FER1L6: variants seen among roughly 807,000 people sequenced by gnomAD.
FER1L6 encodes fer-1 like family member 6.
Under a neutral mutation model 219.2 loss-of-function variants are expected in FER1L6, and 177 were observed. The ratio of observed to expected loss-of-function variants is 0.81; its 90% CI spans 0.71 to 0.91. The LOEUF (loss-of-function observed/expected upper bound fraction) is 0.91, where lower values mean the gene tolerates loss of function less well. Ranked by LOEUF, FER1L6 falls within the 40% of genes least tolerant of loss-of-function variation. The pLI is 0.00. For synonymous variants in FER1L6, 768 were observed against 824.3 expected (o/e 0.93, Z 1.17); for missense variants, 2,153 against 2,259.9 (o/e 0.95, Z 0.96).
chr8:124,100,452 G>A (rs904187638), intron 37 of FER1L6, among the ~76,000 whole-genome samples: 1 of 152,164 alleles, frequency 6.6e-6, no homozygotes, highest in South Asian at 2.1e-4. Flanking sequence ...ATGAAACAAA[G>A]GCACAGGGAG....
chr8:123,884,802 C>T (rs1817170456), intron 1 of FER1L6, among the ~76,000 whole-genome samples: 1 of 152,194 alleles, frequency 6.6e-6, no homozygotes, highest in South Asian at 2.1e-4. Context: ...CTCATTTCCT[C>T]TCTGCTGCTC....
chr8:123,932,612 T>C (rs1039071722), intron 1 of FER1L6, among the ~76,000 whole-genome samples: 1 of 152,170 alleles, frequency 6.6e-6, no homozygotes, highest in Admixed American at 6.5e-5. Flanking sequence ...CAGGAATGCA[T>C]TGGCGTAATG....
At position 124,003,277 on chromosome 8, in the gene FER1L6, G is replaced by A; in HGVS notation, c.1630G>A (p.Ala544Thr). Residue 544 changes from alanine to threonine, a missense_variant, in exon 13 of 41, where the codon GCC becomes ACC. Transcript: ENST00000522917. ...GCTTCACGAAGGGCAAGGGGATGTGGCCCATGATGTTCCCATTCCTATGGC... is the reference window on the plus strand; with the variant it reads ...GCTTCACGAAGGGCAAGGGGATGTGACCCATGATGTTCCCATTCCTATGGC... ...PLLHEGQGDV[A>T]HDVPIPMAST... 1 of 1,613,996 alleles carries A rather than the reference G, an allele frequency of 6.2e-7. No homozygotes were observed. The highest frequency in any genetic ancestry group is 8.5e-7 in the Non-Finnish European group (1 of 1,179,994).
At chr8:123,871,760 A>C (rs1051871685) in intron 1 of FER1L6, among the ~76,000 whole-genome samples, 1 of 152,114 alleles carries the variant, frequency 6.6e-6, no homozygotes, top group Admixed American at 6.5e-5. Context: ...TGGTAAGGGG[A>C]GCGAAAAGAG....
chr8:123,991,833 G>T (rs990700636), intron 12 of FER1L6, among the ~76,000 whole-genome samples: 1 of 151,986 alleles, frequency 6.6e-6, no homozygotes, highest in African/African-American at 2.4e-5. Flanking sequence ...AGGGCTGAGG[G>T]TTTTTCATGT....
chr8:124,028,882 C>T (rs1174670820), intron 18 of FER1L6, among the ~76,000 whole-genome samples: 1 of 152,202 alleles, frequency 6.6e-6, no homozygotes, highest in African/African-American at 2.4e-5. Flanking sequence ...AACCTGTCAT[C>T]TAGGTTTTAA....
chr8:123,959,678 T>TG (rs34146565), intron 2 of FER1L6, among the ~76,000 whole-genome samples: 1 of 152,164 alleles, frequency 6.6e-6, no homozygotes, highest in East Asian at 1.9e-4. Flanking sequence ...GCACCAAAGC[T>TG]GGAAGGTACC....
At chr8:124,012,410 A>G (rs1817982159) in intron 14 of FER1L6, among the ~76,000 whole-genome samples, 1 of 152,234 alleles carries the variant, frequency 6.6e-6, no homozygotes, top group Non-Finnish European at 1.5e-5. Context: ...AAAGCAAATC[A>G]GAATTTTTTC....
chr8:124,000,362 G>T (rs1230082089), intron 12 of FER1L6, among the ~76,000 whole-genome samples: 2 of 152,162 alleles, frequency 1.3e-5, no homozygotes, highest in African/African-American at 4.8e-5. Flanking sequence ...TCACCTGATT[G>T]CTGGTTCTTA....
At chr8:124,116,485 T>G (rs775249629) in intron 39 of FER1L6, among the ~76,000 whole-genome samples, 1 of 151,724 alleles carries the variant, frequency 6.6e-6, no homozygotes, top group Non-Finnish European at 1.5e-5. Context: ...TAAAGTGCCA[T>G]AGCCAAAAAG....
In FER1L6 at chr8:123,898,706, C is replaced by T. The variant is rs537194287; in HGVS notation, c.-8+46521C>T. Among the ~76,000 whole-genome samples, 35 of 136,948 alleles carry T rather than the reference C, an allele frequency of 2.6e-4. 1 individual carries two copies. The highest frequency in any genetic ancestry group is 1.0e-3 in the East Asian group (5 of 4,880). 89.8% of individuals were successfully genotyped at this position (136,948 alleles called of 152,430 possible). ...ACATATATGTACATATATGTGTATACGTATATACGTATATGTGTATATATA... is the reference window on the plus strand; with the variant it reads ...ACATATATGTACATATATGTGTATATGTATATACGTATATGTGTATATATA... On this transcript the variant is annotated intron_variant, in intron 1 of 40. Coordinates refer to ENST00000522917, the MANE Select transcript of FER1L6 (RefSeq NM_001039112.2).
At chr8:124,030,831 A>G (rs1456270103) in intron 18 of FER1L6, among the ~76,000 whole-genome samples, 4 of 152,098 alleles carry the variant, frequency 2.6e-5, no homozygotes, top group Non-Finnish European at 5.9e-5. Context: ...AACACAGTTC[A>G]TGTGAGTTAC....
Position 123,852,371 on chromosome 8 carries a change from T to A in FER1L6, c.-8+186T>A, listed in dbSNP as rs187340283. Among the ~76,000 whole-genome samples the A allele has an allele frequency of 2.6e-5, 4 of 152,194 alleles. No homozygotes were observed. The highest frequency in any genetic ancestry group is 2.1e-4 in the South Asian group (1 of 4,812). On this transcript the variant is annotated intron_variant, in intron 1 of 40. Coordinates refer to ENST00000522917, the MANE Select transcript of FER1L6 (RefSeq NM_001039112.2). The surrounding 1 kb of genome is among the most constrained non-coding windows in gnomAD (Gnocchi z 4.9). ...TCACCCCAGGGAATGGTGCCATATA[T>A]TGGGGACTCAGCATTGGTCTCTGCT...
chr8:123,966,200 G>A lies in FER1L6; in HGVS notation c.294G>A (p.Glu98=). The A allele has an allele frequency of 4.3e-6, 7 of 1,614,110 alleles. No individual in the cohort carries two copies. Among genetic ancestry groups the A allele is most frequent in the Non-Finnish European group, 5.9e-6 (7 of 1,180,012 alleles). ...TITEARQLVG[E]NIDPVVTIEI... ...CCGAGGCTCGCCAGCTGGTGGGTGA[G>A]AACATTGACCCAGTTGTGACCATTG... Residue 98 remains glutamate, a synonymous_variant, in exon 5 of 41, where the codon GAG becomes GAA. Coordinates refer to ENST00000522917, the MANE Select transcript of FER1L6 (RefSeq NM_001039112.2).
chr8:123,990,087 T>C (rs990265745), intron 12 of FER1L6, among the ~76,000 whole-genome samples: 6 of 152,008 alleles, frequency 3.9e-5, no homozygotes, highest in Non-Finnish European at 1.5e-5. Flanking sequence ...GCTAACATGG[T>C]GAAACCCCGT....
chr8:124,110,189 T>G (rs973163414), intron 39 of FER1L6, among the ~76,000 whole-genome samples: 2 of 152,228 alleles, frequency 1.3e-5, no homozygotes. Context: ...CTGTTTGTTC[T>G]TATCTTGGTG....
intron 1 of FER1L6, among the ~76,000 whole-genome samples, chr8:123,934,484 C>T (rs1813905820): frequency 6.6e-6 from 1 of 151,728 alleles, no homozygotes; most frequent in South Asian, 2.1e-4. Flanking sequence ...AGACTTTTTT[C>T]TCAATTTATA....
At chr8:124,065,771 G>A (rs946586229) in intron 26 of FER1L6, among the ~76,000 whole-genome samples, 13 of 152,210 alleles carry the variant, frequency 8.5e-5, no homozygotes, top group Non-Finnish European at 1.5e-4. Context: ...GCGAGTGAAT[G>A]GAAGATGAAT....
intron 13 of FER1L6, 103 bp downstream of exon 13, chr8:124,003,450 CCTT>C: frequency 1.7e-5 from 4 of 240,336 alleles, no homozygotes; most frequent in South Asian, 1.2e-4. Flanking sequence ...TCAGAAATGT[CCTT>C]TTTTTTTTTT....
Sources: gnomAD v4.1 joint callset for allele counts (sites outside exome capture counted in the v4.1 genomes callset) on GRCh38, gnomAD v4.1.1 for gene constraint, Gnocchi (gnomAD v3.1) non-coding constraint, MANE v1.5 for transcripts, NCBI Gene and HGNC (gene_info 2026-07-23, HGNC 2026-07-21) for gene names.